PPIP5K2: variants seen among roughly 807,000 people sequenced by gnomAD.
The protein encoded by PPIP5K2 is diphosphoinositol pentakisphosphate kinase 2, also known as inositol hexakisphosphate and diphosphoinositol-pentakisphosphate kinase 2.
In PPIP5K2, 105 loss-of-function variants were observed where a neutral mutation model predicts 154.6. The observed-to-expected ratio is 0.68, with a 90% CI of 0.58 to 0.80. The LOEUF is 0.80. PPIP5K2 is among the 30% of genes least tolerant of loss of function. The probability of loss-of-function intolerance (pLI) is 0.00; values close to 1 mark genes in which losing one functional copy is unlikely to be tolerated. For synonymous variants in PPIP5K2, 480 were observed against 490.3 expected (o/e 0.98, Z 0.28); for missense variants, 992 against 1,504.6 (o/e 0.66, Z 5.64).
rs1554214462 is a variant in PPIP5K2 at position 103,158,489 on chromosome 5, A to G, written c.1653A>G (p.Arg551=). 20 of 1,612,448 alleles carry G rather than the reference A, an allele frequency of 1.2e-5. No homozygotes were observed. The highest frequency in any genetic ancestry group is 1.6e-5 in the Non-Finnish European group (19 of 1,179,564). The part of the protein sequence containing the change: ...YAGFPGCGLL[R]LHSTYRHDLK... ...GATTTCCTGGTTGTGGTTTACTTAG[A>G]TTACATAGCACCTACAGACATGACC... The change falls in exon 16 of 31, where the codon AGA becomes AGG. Residue 551 remains arginine, a synonymous_variant. Coordinates refer to ENST00000358359, the MANE Select transcript of PPIP5K2 (RefSeq NM_001276277.3).
chr5:103,139,726 C>T (rs1390790172), intron 5 of PPIP5K2, among the ~76,000 whole-genome samples: 2 of 152,136 alleles, frequency 1.3e-5, no homozygotes, highest in African/African-American at 2.4e-5. Context: ...GATATGTGAC[C>T]TTTCAGACAG....
intron 5 of PPIP5K2, among the ~76,000 whole-genome samples, chr5:103,140,547 A>T (rs1201850015): frequency 6.6e-6 from 1 of 152,242 alleles, no homozygotes; most frequent in Non-Finnish European, 1.5e-5. Flanking sequence ...AGAATATTCT[A>T]TTCAGCAAAA....
chr5:103,123,260 G>A (rs1789084614), intron 1 of PPIP5K2, among the ~76,000 whole-genome samples: 1 of 152,194 alleles, frequency 6.6e-6, no homozygotes, highest in Non-Finnish European at 1.5e-5. Context: ...TTTTACAGAT[G>A]ATGACTAGAG....
chr5:103,165,424 A>G (rs565006571), intron 17 of PPIP5K2, among the ~76,000 whole-genome samples: 20 of 152,072 alleles, frequency 1.3e-4, no homozygotes, highest in African/African-American at 4.8e-4. Flanking sequence ...AATGCTCATT[A>G]TGAAAAAACT....
intron 5 of PPIP5K2, among the ~76,000 whole-genome samples, chr5:103,140,754 G>A (rs577404965): frequency 6.6e-6 from 1 of 150,478 alleles, no homozygotes; most frequent in East Asian, 2.0e-4. Flanking sequence ...GGAGAATGGC[G>A]TGAACCCGGA....
rs782671793 is a variant in PPIP5K2 at position 103,173,952 on chromosome 5, C to T, written c.2509C>T (p.Arg837Cys). Residue 837 changes from arginine (R) to cysteine (C), a missense_variant, in exon 21 of 31, where the codon CGC (arginine) becomes TGC (cysteine). Coordinates refer to ENST00000358359, the MANE Select transcript of PPIP5K2 (RefSeq NM_001276277.3). ...TGTACATTCTTTGCTGTCTATTCTT[C>T]GCTATGGTGCCTTATGCAATGTAAG... ...SHVHSLLSIL[R>C]YGALCNESKD... 5.0e-6 allele frequency: 8 copies of T among 1,592,992 alleles called. No homozygotes were observed. The highest frequency in any genetic ancestry group is 3.3e-5 in the South Asian group (3 of 90,374).
chr5:103,193,909 TCTC>T (rs1320131903), intron 29 of PPIP5K2, among the ~76,000 whole-genome samples: 1 of 152,086 alleles, frequency 6.6e-6, no homozygotes, highest in African/African-American at 2.4e-5. Context: ...TATCCCTACT[TCTC>T]CTTTTTACAC....
At chr5:103,194,010 G>T (rs541485039) in intron 29 of PPIP5K2, among the ~76,000 whole-genome samples, 1 of 152,070 alleles carries the variant, frequency 6.6e-6, no homozygotes, top group South Asian at 2.1e-4. Context: ...AATTTCAACT[G>T]GCTAATATAG....
intron 13 of PPIP5K2, among the ~76,000 whole-genome samples, chr5:103,155,406 CTTT>C (rs70990423): frequency 4.8e-5 from 1 of 21,050 alleles, no homozygotes; most frequent in East Asian, 2.1e-3. Context: ...TCAGAGTTGT[CTTT>C]TTTTTTTTTT....
At chr5:103,146,065 T>C (rs1554209049) in intron 5 of PPIP5K2, among the ~76,000 whole-genome samples, 1 of 152,058 alleles carries the variant, frequency 6.6e-6, no homozygotes, top group African/African-American at 2.4e-5. Flanking sequence ...GTAATCATCA[T>C]CTGAAACAAG....
Position 103,206,468 on chromosome 5 carries a change from C to T in PPIP5K2, c.*4834C>T, listed in dbSNP as rs1256193392. 2.0e-5 allele frequency: 3 copies of T among 152,092 alleles called. No individual in the cohort carries two copies. Among genetic ancestry groups the T allele is most frequent in the Non-Finnish European group, 4.4e-5 (3 of 68,028 alleles). The allele number at this position is 152,092 out of a possible 1,614,324, so 9.4% of individuals were successfully genotyped here. A position where few individuals can be genotyped will look rare whatever the true frequency, so the allele number is the denominator to read the frequency against. Reference sequence around the variant, plus strand: ...TCACCCCTAGATAAATAGAATACTCCAGGAGATTCCCATGACCTTACTGAC... The same window carrying T: ...TCACCCCTAGATAAATAGAATACTCTAGGAGATTCCCATGACCTTACTGAC... On this transcript the variant is annotated 3_prime_UTR_variant, in exon 31 of 31. Transcript: ENST00000358359.
intron 5 of PPIP5K2, among the ~76,000 whole-genome samples, chr5:103,141,682 C>T (rs1792696980): frequency 6.6e-6 from 1 of 152,116 alleles, no homozygotes; most frequent in East Asian, 1.9e-4. Flanking sequence ...CAGCTAGATG[C>T]AGAGTGTCGA....
At chr5:103,178,005 C>A in intron 23 of PPIP5K2, 25 bp downstream of exon 23, 1 of 1,361,724 alleles carries the variant, frequency 7.3e-7, no homozygotes, top group Non-Finnish European at 1.1e-6. Flanking sequence ...ACTCTCAGTG[C>A]TTAGTTACTA....
intron 1 of PPIP5K2, among the ~76,000 whole-genome samples, chr5:103,127,775 C>A (rs1554201238): frequency 6.6e-6 from 1 of 151,682 alleles, no homozygotes; most frequent in East Asian, 1.9e-4. Flanking sequence ...TACCTGACTC[C>A]AGAACATTCC....
At chr5:103,147,805 G>A (rs372036544) in intron 6 of PPIP5K2, 126 bp from the exon 7 acceptor site, 1 of 615,416 alleles carries the variant, frequency 1.6e-6, no homozygotes, top group Non-Finnish European at 2.8e-6. Flanking sequence ...AATATTTGTG[G>A]ATTAAAAAAT....
intron 20 of PPIP5K2, 118 bp downstream of exon 20, chr5:103,173,400 A>G: frequency 1.3e-5 from 16 of 1,199,732 alleles, no homozygotes; most frequent in Non-Finnish European, 1.8e-5. Context: ...TACTGTGAAA[A>G]TAGTATTACC....
intron 30 of PPIP5K2, among the ~76,000 whole-genome samples, chr5:103,197,537 G>A (rs930528228): frequency 7.9e-6 from 1 of 125,794 alleles, no homozygotes; most frequent in African/African-American, 2.9e-5. Context: ...TTGGCTCTTT[G>A]TATTTCTGTT....
At chr5:103,134,514 T>C (rs571174998) in intron 3 of PPIP5K2, among the ~76,000 whole-genome samples, 75 of 152,274 alleles carry the variant, frequency 4.9e-4, no homozygotes, top group East Asian at 1.4e-3. Flanking sequence ...ATAGCCTAAA[T>C]TGATGTTCAT....
intron 28 of PPIP5K2, chr5:103,189,252 G>A: frequency 6.8e-7 from 1 of 1,479,412 alleles, no homozygotes; most frequent in South Asian, 1.2e-5. Context: ...TTCTAAACAT[G>A]TCAGCAGGGT....
Sources: allele counts gnomAD v4.1 joint callset (sites outside exome capture counted in the v4.1 genomes callset), GRCh38; gene constraint gnomAD v4.1.1; transcripts MANE v1.5; gene names NCBI Gene and HGNC (gene_info 2026-07-23, HGNC 2026-07-21).